The following GCSAML variants were observed in gnomAD, a reference collection of about 807,000 sequenced individuals.
The protein encoded by GCSAML is germinal center-associated signaling and motility-like protein.
Under a neutral mutation model 13.0 loss-of-function variants are expected in GCSAML, and 9 were observed. That is an observed-to-expected ratio of 0.69 (90% CI 0.42 to 1.21). The LOEUF (loss-of-function observed/expected upper bound fraction) is 1.21. Ranked by LOEUF, GCSAML falls within the 50% of genes most tolerant of loss-of-function variation. GCSAML has a pLI of 0.00. For synonymous variants in GCSAML, 37 were observed against 52.9 expected (o/e 0.70, Z 1.31); for missense variants, 143 against 153.4 (o/e 0.93, Z 0.36).
chr1:247,531,986 C>T (rs369782347), intron 2 of GCSAML: 13 of 1,613,938 alleles, frequency 8.1e-6, no homozygotes, highest in East Asian at 6.7e-5. Context: ...AAGAAGTGGT[C>T]GATGCAATTG....
At chr1:247,525,231 C>T (rs548794152) in intron 1 of GCSAML, 1 of 152,348 alleles carries the variant, frequency 6.6e-6, no homozygotes, top group East Asian at 1.9e-4. Context: ...TAAGCCCATA[C>T]ACCAAGCAAA....
At chr1:247,574,060 A>G in intron 4 of GCSAML, 83 bp from the exon 5 acceptor site, 1 of 1,492,230 alleles carries the variant, frequency 6.7e-7, no homozygotes, top group Non-Finnish European at 9.2e-7. Context: ...TCAGGTGTAT[A>G]AAGAAGAAGG....
chr1:247,564,199 TG>T (rs978122722), intron 3 of GCSAML, among the ~76,000 whole-genome samples: 1 of 152,184 alleles, frequency 6.6e-6, no homozygotes, highest in African/African-American at 2.4e-5. Context: ...CCGAAAGTGC[TG>T]GGATTACAGG....
At chr1:247,552,794 C>T (rs759872103) in intron 1 of GCSAML, among the ~76,000 whole-genome samples, 10 of 152,064 alleles carry the variant, frequency 6.6e-5, no homozygotes, top group Non-Finnish European at 1.3e-4. Flanking sequence ...CTTGCTCTGT[C>T]ACCCAGGCTG....
chr1:247,566,982 G>A (rs1169445733), intron 4 of GCSAML, among the ~76,000 whole-genome samples: 2 of 151,900 alleles, frequency 1.3e-5, no homozygotes, highest in Non-Finnish European at 1.5e-5. Flanking sequence ...TGGATAGTTA[G>A]AGGCATAATA....
intron 1 of GCSAML, among the ~76,000 whole-genome samples, chr1:247,522,878 C>T (rs867182552): frequency 6.6e-6 from 1 of 151,402 alleles, no homozygotes; most frequent in Non-Finnish European, 1.5e-5. Context: ...TGCCAAATCC[C>T]CCTCTGTGAG....
chr1:247,512,339 A>C (rs7517464), intron 1 of GCSAML, among the ~76,000 whole-genome samples: 116,864 of 151,510 alleles, frequency 0.77, 45,693 homozygotes, highest in East Asian at 0.96. Flanking sequence ...AGTTCTCGTG[A>C]TGTGTTTTTC....
intron 1 of GCSAML, among the ~76,000 whole-genome samples, chr1:247,517,072 A>G (rs942500965): frequency 1.3e-5 from 2 of 152,224 alleles, no homozygotes; most frequent in East Asian, 3.8e-4. Flanking sequence ...GGCACAAAAG[A>G]ACATTCCTTG....
intron 2 of GCSAML, among the ~76,000 whole-genome samples, chr1:247,540,598 A>G (rs2103020862): frequency 6.6e-6 from 1 of 152,230 alleles, no homozygotes; most frequent in East Asian, 1.9e-4. Flanking sequence ...GTTTCCGAGC[A>G]TGGGCACGAA....
At chr1:247,532,785 G>A (rs1382323017) in intron 2 of GCSAML, among the ~76,000 whole-genome samples, 1 of 151,856 alleles carries the variant, frequency 6.6e-6, no homozygotes, top group East Asian at 1.9e-4. Context: ...TATACCCATT[G>A]TTTTCAAAAG....
chr1:247,551,600 G>A (rs542957042), intron 1 of GCSAML, among the ~76,000 whole-genome samples: 2 of 152,130 alleles, frequency 1.3e-5, no homozygotes, highest in South Asian at 2.1e-4. Flanking sequence ...AAGATGCAGG[G>A]GCAAAAGGAA....
chr1:247,558,169 A>G (rs745701469), intron 2 of GCSAML, among the ~76,000 whole-genome samples: 2 of 152,214 alleles, frequency 1.3e-5, no homozygotes, highest in Non-Finnish European at 1.5e-5. Context: ...GAAGATCTGA[A>G]CCATTTTACC....
chr1:247,567,455 G>C (rs1668429120), intron 4 of GCSAML, among the ~76,000 whole-genome samples: 1 of 152,046 alleles, frequency 6.6e-6, no homozygotes, highest in African/African-American at 2.4e-5. Context: ...GTGTTAGTTT[G>C]CTGAGAATGA....
intron 1 of GCSAML, among the ~76,000 whole-genome samples, chr1:247,518,046 C>G (rs1666276722): frequency 6.6e-6 from 1 of 152,208 alleles, no homozygotes; most frequent in Non-Finnish European, 1.5e-5. Flanking sequence ...CGACCGGGCC[C>G]TTCTCCACCT....
chr1:247,568,602 G>C (rs1226362193), intron 4 of GCSAML, among the ~76,000 whole-genome samples: 1 of 152,098 alleles, frequency 6.6e-6, no homozygotes, highest in Non-Finnish European at 1.5e-5. Flanking sequence ...TTGAAGTCAG[G>C]TAGCGTGATG....
chr1:247,553,595 A>T (rs939560389), intron 1 of GCSAML, among the ~76,000 whole-genome samples: 19 of 152,234 alleles, frequency 1.2e-4, no homozygotes, highest in Non-Finnish European at 2.1e-4. Context: ...TCTACTTTTT[A>T]AAAAAATATG....
At chr1:247,543,925 G>A in intron 2 of GCSAML, among the ~76,000 whole-genome samples, 1 of 152,116 alleles carries the variant, frequency 6.6e-6, no homozygotes, top group East Asian at 1.9e-4. Context: ...GAGTAGCTGG[G>A]ACTGACTACA....
intron 4 of GCSAML, 46 bp downstream of exon 4, chr1:247,566,005 T>G: frequency 7.2e-7 from 1 of 1,396,594 alleles, no homozygotes; most frequent in Non-Finnish European, 9.7e-7. Context: ...CACAAACTTT[T>G]ATTATGTTTG....
chr1:247,556,506 G>C lies in GCSAML; in HGVS notation c.89+40G>C, dbSNP rs776721189. 13 of 1,480,350 alleles carry C rather than the reference G, an allele frequency of 8.8e-6. No individual in the cohort carries two copies. In the African/African-American group the frequency reaches 1.7e-4, roughly 19 times the overall value. The allele number at this position is 1,480,350 out of a possible 1,614,324, so 91.7% of individuals were successfully genotyped here. ...TCTCAGAGTTTTTTTGTTTTGTTTT[G>C]TTTTGTTTTTTCATTGAGATTACTT... On this transcript the variant is annotated intron_variant, in intron 2 of 4. Transcript: ENST00000366488.
Sources: gnomAD v4.1 joint callset for allele counts (sites outside exome capture counted in the v4.1 genomes callset) on GRCh38, gnomAD v4.1.1 for gene constraint, MANE v1.5 for transcripts, NCBI Gene and HGNC (gene_info 2026-07-23, HGNC 2026-07-21) for gene names.